STPG2: variants seen among roughly 807,000 people sequenced by gnomAD.
STPG2 encodes sperm tail PG-rich repeat containing 2.
In STPG2, 56 loss-of-function variants were observed where a neutral mutation model predicts 54.2. The observed-to-expected ratio is 1.03, with a 90% confidence interval of 0.83 to 1.29. The LOEUF is 1.29. STPG2 is among the 50% of genes most tolerant of loss of function. The pLI is 0.00. For synonymous variants in STPG2, 200 were observed against 181.8 expected (o/e 1.10, Z -0.81); for missense variants, 596 against 544.9 (o/e 1.09, Z -0.93).
At chr4:97,723,726 T>A (rs1376478391) in intron 9 of STPG2, among the ~76,000 whole-genome samples, 2 of 152,092 alleles carry the variant, frequency 1.3e-5, no homozygotes, top group African/African-American at 4.8e-5. Flanking sequence ...TAGGGAGGCC[T>A]CAGGAAATGT....
chr4:97,779,525 G>A (rs7691967), intron 9 of STPG2, among the ~76,000 whole-genome samples: 295 of 152,252 alleles, frequency 1.9e-3, no homozygotes, highest in African/African-American at 6.9e-3. Flanking sequence ...TTATCCAGGA[G>A]AACTTCCCCA....
chr4:97,555,873 A>C (rs2148870337), downstream of STPG2, among the ~76,000 whole-genome samples: 1 of 152,246 alleles, frequency 6.6e-6, no homozygotes, highest in Non-Finnish European at 1.5e-5. Context: ...GCTCTGAGTA[A>C]GTCATTCTTA....
chr4:97,922,166 A>G (rs142233562), intron 8 of STPG2, among the ~76,000 whole-genome samples: 2 of 152,274 alleles, frequency 1.3e-5, no homozygotes, highest in East Asian at 3.9e-4. Flanking sequence ...AAATGTTCTA[A>G]CCACAAAAAT....
At chr4:97,882,183 C>T (rs1368778136) in intron 8 of STPG2, among the ~76,000 whole-genome samples, 1 of 152,028 alleles carries the variant, frequency 6.6e-6, no homozygotes, top group Non-Finnish European at 1.5e-5. Context: ...TATGGAATGC[C>T]GGGGAACTGA....
At chr4:98,045,708 ATTTAT>A in intron 5 of STPG2, among the ~76,000 whole-genome samples, 1 of 152,140 alleles carries the variant, frequency 6.6e-6, no homozygotes, top group South Asian at 2.1e-4. Flanking sequence ...AAAAATATTT[ATTTAT>A]TTATTTATCT....
chr4:98,013,003 G>A (rs1735806548), intron 5 of STPG2, among the ~76,000 whole-genome samples: 1 of 152,218 alleles, frequency 6.6e-6, no homozygotes, highest in African/African-American at 2.4e-5. Context: ...TAGGAGTGAT[G>A]TGAGAGGGCA....
chr4:97,446,671 A>G (rs1000864580), intron 4 of STPG2, among the ~76,000 whole-genome samples: 5 of 152,020 alleles, frequency 3.3e-5, no homozygotes, highest in African/African-American at 1.2e-4. Flanking sequence ...TTCTCATGAG[A>G]TCTGATGGTT....
At chr4:97,635,369 C>G (rs939117786) in intron 10 of STPG2, among the ~76,000 whole-genome samples, 1 of 152,204 alleles carries the variant, frequency 6.6e-6, no homozygotes, top group African/African-American at 2.4e-5. Flanking sequence ...ACAACTGGTA[C>G]TAGCTGCTGC....
chr4:98,016,732 T>C (rs553340560), intron 5 of STPG2, among the ~76,000 whole-genome samples: 107 of 152,330 alleles, frequency 7.0e-4, no homozygotes, highest in Non-Finnish European at 1.4e-3. Flanking sequence ...ACACAATGGT[T>C]CTTTGTCAGG....
At chr4:97,667,611 CA>C (rs550583860) in intron 10 of STPG2, among the ~76,000 whole-genome samples, 21 of 152,038 alleles carry the variant, frequency 1.4e-4, no homozygotes, top group Non-Finnish European at 2.1e-4. Context: ...TAATATGGCA[CA>C]AAAAAACTCA....
At chr4:97,730,513 A>C (rs1724763789) in intron 9 of STPG2, among the ~76,000 whole-genome samples, 1 of 152,130 alleles carries the variant, frequency 6.6e-6, no homozygotes, top group Non-Finnish European at 1.5e-5. Flanking sequence ...CTTTGAGTAA[A>C]TACCCAGTAA....
intron 5 of STPG2, among the ~76,000 whole-genome samples, chr4:98,058,945 T>C (rs1343419135): frequency 6.9e-6 from 1 of 145,490 alleles, no homozygotes; most frequent in Non-Finnish European, 1.5e-5. Flanking sequence ...AATTAGAAAA[T>C]GCAAGATCAA....
At chr4:97,947,651 C>T (rs1718541284) in intron 7 of STPG2, among the ~76,000 whole-genome samples, 1 of 152,022 alleles carries the variant, frequency 6.6e-6, no homozygotes, top group South Asian at 2.1e-4. Flanking sequence ...TTTTCTGCAG[C>T]TATTGAGATA....
chr4:97,704,937 G>GA (rs1217426206), intron 10 of STPG2, among the ~76,000 whole-genome samples: 4 of 151,852 alleles, frequency 2.6e-5, no homozygotes, highest in African/African-American at 9.7e-5. Flanking sequence ...AATTTATCAA[G>GA]AAAAAATATG....
chr4:97,456,699 T>A (rs968705110), intron 4 of STPG2, among the ~76,000 whole-genome samples: 2 of 151,522 alleles, frequency 1.3e-5, no homozygotes, highest in African/African-American at 4.9e-5. Context: ...ATCAGGACCA[T>A]CCTGGCTAAC....
intron 10 of STPG2, among the ~76,000 whole-genome samples, chr4:97,693,728 A>T (rs1045428610): frequency 6.6e-6 from 1 of 152,228 alleles, no homozygotes; most frequent in Non-Finnish European, 1.5e-5. Flanking sequence ...ATTCATTAGC[A>T]CATGGAACAT....
chr4:97,525,440 C>A (rs1731262048), intron 4 of STPG2, among the ~76,000 whole-genome samples: 1 of 151,824 alleles, frequency 6.6e-6, no homozygotes, highest in Non-Finnish European at 1.5e-5. Flanking sequence ...GCAGCAGGAA[C>A]AATAACTGTA....
intron 8 of STPG2, among the ~76,000 whole-genome samples, chr4:97,874,072 CA>C (rs1730089476): frequency 6.6e-6 from 1 of 151,310 alleles, no homozygotes; most frequent in African/African-American, 2.4e-5. Context: ...GCCTCTTTTG[CA>C]GTGAAGAATT....
chr4:97,492,637 G>T (rs751544387), intron 4 of STPG2, among the ~76,000 whole-genome samples: 7 of 136,372 alleles, frequency 5.1e-5, no homozygotes, highest in Non-Finnish European at 8.9e-5. Context: ...CTCATTCAAT[G>T]ATAAAAACTT....
Sources: allele counts gnomAD v4.1 joint callset (sites outside exome capture counted in the v4.1 genomes callset), GRCh38; gene constraint gnomAD v4.1.1; transcripts MANE v1.5; gene names NCBI Gene and HGNC (gene_info 2026-07-23, HGNC 2026-07-21).